Variants in CCDC141 observed in about 807,000 individuals in gnomAD.
CCDC141 encodes coiled-coil domain containing 141, also known as coiled-coil domain-containing protein 141.
Under a neutral mutation model 181.0 loss-of-function variants are expected in CCDC141, and 168 were observed. That is an observed-to-expected ratio of 0.93 (90% confidence interval 0.82 to 1.05). CCDC141 has a LOEUF of 1.05. CCDC141 is among the 50% of genes least tolerant of loss of function. The pLI, the probability that CCDC141 is intolerant of heterozygous loss-of-function variation, is 0.00. For synonymous variants in CCDC141, 666 were observed against 642.3 expected (o/e 1.04, Z -0.56); for missense variants, 1,902 against 1,788.5 (o/e 1.06, Z -1.14).
intron 6 of CCDC141, among the ~76,000 whole-genome samples, chr2:178,934,973 T>C (rs1346430449): frequency 6.6e-6 from 1 of 152,128 alleles, no homozygotes; most frequent in Non-Finnish European, 1.5e-5. Flanking sequence ...ACACATAAAA[T>C]TGAATTTCTT....
intron 8 of CCDC141, among the ~76,000 whole-genome samples, chr2:178,901,900 T>G (rs886546091): frequency 2.6e-5 from 4 of 152,164 alleles, no homozygotes; most frequent in African/African-American, 9.7e-5. Flanking sequence ...ATAAGCAACT[T>G]CAGCAGTCTC....
Position 178,888,519 on chromosome 2 carries a change from G to A in CCDC141, c.1407+8C>T, listed in dbSNP as rs564308317. On this transcript the variant is annotated splice_region_variant and intron_variant, in intron 9 of 23. Transcript: ENST00000443758. ...CTTAGATATTTAAGTTTTAGTTTAC[G>A]AAACTACCTTCCGTAGGTAACCCTC... The A allele has an allele frequency of 3.2e-5, 50 of 1,549,676 alleles. 1 individual carries two copies. In the South Asian group the frequency reaches 5.2e-4, roughly 16 times the overall value.
At chr2:178,868,959 G>A (rs1203234752) in intron 15 of CCDC141, among the ~76,000 whole-genome samples, 158 bp downstream of exon 15, 1 of 152,158 alleles carries the variant, frequency 6.6e-6, no homozygotes, top group Non-Finnish European at 1.5e-5. Flanking sequence ...GGAACAAAAG[G>A]AAGAATAGGA....
chr2:178,995,245 G>A (rs1239876575), intron 2 of CCDC141, among the ~76,000 whole-genome samples: 5 of 152,168 alleles, frequency 3.3e-5, no homozygotes, highest in East Asian at 1.9e-4. Context: ...CCACCTGTTC[G>A]GAGATGCCTC....
chr2:178,899,649 T>TA (rs765563524), intron 8 of CCDC141, among the ~76,000 whole-genome samples: 2 of 152,144 alleles, frequency 1.3e-5, no homozygotes, highest in Non-Finnish European at 2.9e-5. Flanking sequence ...TGGTGTCTGG[T>TA]AATAGGAACC....
At chr2:178,961,743 G>C (rs1690411869) in intron 4 of CCDC141, among the ~76,000 whole-genome samples, 1 of 152,164 alleles carries the variant, frequency 6.6e-6, no homozygotes, top group African/African-American at 2.4e-5. Flanking sequence ...GTGTGATTCA[G>C]GACAGGGAGT....
At chr2:178,863,032 A>G (rs187615540) in intron 17 of CCDC141, among the ~76,000 whole-genome samples, 1 of 152,224 alleles carries the variant, frequency 6.6e-6, no homozygotes, top group African/African-American at 2.4e-5. Context: ...AAAAAAGAAG[A>G]TATTTAACAT....
intron 2 of CCDC141, among the ~76,000 whole-genome samples, chr2:179,033,800 T>A (rs1575373230): frequency 6.6e-6 from 1 of 152,328 alleles, no homozygotes; most frequent in East Asian, 1.9e-4. Flanking sequence ...TACAGGCCTA[T>A]GATTTCAAAA....
chr2:178,935,682 T>C lies in CCDC141; in HGVS notation c.897+8853A>G, dbSNP rs191889658. Among the ~76,000 whole-genome samples the C allele has an allele frequency of 1.9e-3, 287 of 152,198 alleles. 2 individuals are homozygous for C. The highest frequency in any genetic ancestry group is 6.7e-3 in the African/African-American group (278 of 41,552). On this transcript the variant is annotated intron_variant, in intron 6 of 23. Transcript: ENST00000443758. ...GTTGAATGGTAGTTCTGCTTTTAGC[T>C]TTAAGGAGTCTCCATACTGTGATTT...
In CCDC141 at chr2:178,888,639, A is replaced by C. The variant is rs182748406; in HGVS notation, c.1295T>G (p.Met432Arg). 1.3e-6 allele frequency: 2 copies of C among 1,550,754 alleles called. No individual in the cohort carries two copies. The highest frequency in any genetic ancestry group is 1.7e-6 in the Non-Finnish European group (2 of 1,146,874). ...SSQVSGIHEM[M>R]GCIKRRVDHL... is the part of the protein sequence containing the mutation. ...ATCCACTCGTCTCTTAATGCACCCC[A>C]TCATCTCATGGATGCCGGACACCTG... The change falls in exon 9 of 24, where the codon ATG (methionine) becomes AGG (arginine). Residue 432 changes from methionine (M) to arginine (R), a missense_variant. Physicochemically the swap from Met to Arg is moderately conservative, Grantham distance 91. Coordinates refer to ENST00000443758, the MANE Select transcript of CCDC141 (RefSeq NM_173648.4).
intron 7 of CCDC141, among the ~76,000 whole-genome samples, chr2:178,913,646 C>A (rs555130456): frequency 6.6e-6 from 1 of 152,262 alleles, no homozygotes; most frequent in Non-Finnish European, 1.5e-5. Context: ...GCAACATCAT[C>A]TTCTTAAAGG....
At chr2:179,014,023 A>C (rs549777957) in intron 2 of CCDC141, among the ~76,000 whole-genome samples, 1 of 151,572 alleles carries the variant, frequency 6.6e-6, no homozygotes, top group East Asian at 1.9e-4. Flanking sequence ...CCTCATTTCA[A>C]ACTATACTAT....
At chr2:178,982,758 G>A (rs555781174) in intron 2 of CCDC141, among the ~76,000 whole-genome samples, 8 of 152,236 alleles carry the variant, frequency 5.3e-5, no homozygotes, top group Non-Finnish European at 8.8e-5. Context: ...CTTTTCTGAC[G>A]GGCTTAAAAA....
At chr2:178,815,683 T>C in the CCDC141 span, among the ~76,000 whole-genome samples, 1 of 152,216 alleles carries the variant, frequency 6.6e-6, no homozygotes, top group Non-Finnish European at 1.5e-5. Flanking sequence ...ATTTAAACTA[T>C]GCAGATCTTC....
intron 16 of CCDC141, among the ~76,000 whole-genome samples, chr2:178,866,988 C>G (rs1364139561): frequency 6.6e-6 from 1 of 152,160 alleles, no homozygotes; most frequent in East Asian, 1.9e-4. Flanking sequence ...CAGGCATTAG[C>G]CAATGTGCCC....
intron 7 of CCDC141, among the ~76,000 whole-genome samples, chr2:178,914,433 C>T (rs1432664258): frequency 6.6e-6 from 1 of 152,178 alleles, no homozygotes; most frequent in African/African-American, 2.4e-5. Context: ...GTTCCTAATG[C>T]TGTCTCAACA....
At chr2:178,934,810 C>G (rs78291727) in intron 6 of CCDC141, among the ~76,000 whole-genome samples, 1,936 of 152,248 alleles carry the variant, frequency 0.013, 44 homozygotes, top group African/African-American at 0.044. Flanking sequence ...CTCTGTGTTA[C>G]CACATTATTT....
intron 7 of CCDC141, among the ~76,000 whole-genome samples, chr2:178,917,548 G>C (rs1688506296): frequency 6.6e-6 from 1 of 152,128 alleles, no homozygotes; most frequent in African/African-American, 2.4e-5. Context: ...CTAGGTTCCA[G>C]GGTTTCCTCA....
chr2:178,888,771 C>T, intron 8 of CCDC141, 103 bp from the exon 9 acceptor site: 2 of 1,282,738 alleles, frequency 1.6e-6, no homozygotes, highest in Non-Finnish European at 2.2e-6. Context: ...TGGTAAAAGG[C>T]ATCAGCTTTA....
Sources: gnomAD v4.1 joint callset for allele counts (sites outside exome capture counted in the v4.1 genomes callset) on GRCh38, gnomAD v4.1.1 for gene constraint, MANE v1.5 for transcripts, NCBI Gene and HGNC (gene_info 2026-07-23, HGNC 2026-07-21) for gene names.